The following CENPN variants were observed in gnomAD, a reference collection of about 807,000 sequenced individuals.
The protein encoded by CENPN is centromere protein N.
Under a neutral mutation model 48.6 loss-of-function variants are expected in CENPN, and 36 were observed. That is an observed-to-expected ratio of 0.74 (90% CI 0.57 to 0.98). The LOEUF is 0.98. CENPN is among the 50% of genes least tolerant of loss of function. CENPN has a pLI of 0.00. For missense variants in CENPN, 439 were observed against 399.2 expected (o/e 1.10, Z -0.85); for synonymous variants, 166 against 135.2 (o/e 1.23, Z -1.58).
chr16:81,017,906 C>G (rs1397169811), intron 5 of CENPN, 72 bp downstream of exon 5: 2 of 875,490 alleles, frequency 2.3e-6, no homozygotes, highest in African/African-American at 3.5e-5. Flanking sequence ...TTGCTACTAT[C>G]ATAGTTTTTT....
Position 81,012,079 on chromosome 16 carries a change from C to A in CENPN, c.140C>A (p.Ser47Tyr), listed in dbSNP as rs896034091. 5 of 1,614,138 alleles carry A rather than the reference C, an allele frequency of 3.1e-6. No homozygotes were observed. The highest frequency in any genetic ancestry group is 3.4e-6 in the Non-Finnish European group (4 of 1,180,012). Residue 47 changes from serine (S) to tyrosine (Y), a missense_variant, in exon 2 of 11, where the codon TCT becomes TAT. By Grantham distance (144) the Ser-to-Tyr change is moderately radical. Transcript: ENST00000305850. Reference sequence around the variant, plus strand: ...GTAAATTTCCGACAGAGAAAGGAATCTGTAGTTCAGCACTTGATCCATCTG... The same window carrying A: ...GTAAATTTCCGACAGAGAAAGGAATATGTAGTTCAGCACTTGATCCATCTG... ...QTVNFRQRKE[S>Y]VVQHLIHLCE...
downstream of CENPN, among the ~76,000 whole-genome samples, chr16:81,032,221 AAAT>A (rs1327869830): frequency 6.6e-6 from 1 of 152,190 alleles, no homozygotes; most frequent in African/African-American, 2.4e-5. Context: ...ATCTATCAAA[AAAT>A]GAAGACTGAG....
intron 8 of CENPN, among the ~76,000 whole-genome samples, chr16:81,025,686 T>A: frequency 1.8e-4 from 1 of 5,586 alleles, no homozygotes; most frequent in East Asian, 0.033. Context: ...TGAGACCCTG[T>A]CTCTCTTTTT....
In CENPN at chr16:81,028,568, G is replaced by C. The variant is rs1289806567; in HGVS notation, c.938-1G>C. On this transcript the variant is annotated splice_acceptor_variant, in intron 10 of 10. Transcript: ENST00000305850. LOFTEE classifies it high-confidence loss of function. ...TCCCTTTTTTTTTTTTTTAATTTCA[G>C]GTATTGCAGATGCTCCACTTTCTCC... The C allele has an allele frequency of 2.5e-6, 4 of 1,585,346 alleles. No individual in the cohort carries two copies. The highest frequency in any genetic ancestry group is 2.6e-6 in the Non-Finnish European group (3 of 1,165,364).
intron 5 of CENPN, 33 bp from the exon 6 acceptor site, chr16:81,020,067 G>T: frequency 6.5e-7 from 1 of 1,530,064 alleles, no homozygotes; most frequent in Non-Finnish European, 8.7e-7. Flanking sequence ...TTTTAATTAG[G>T]AAATTAAGCC....
At position 81,012,054 on chromosome 16, in the gene CENPN, G is replaced by A. The variant is rs1382581175; in HGVS notation, c.115G>A (p.Val39Ile). Reference protein sequence around the residue: ...DFLSENQLQTVNFRQRKESVV... With the variant: ...DFLSENQLQTINFRQRKESVV... ...TTTGTCTGAAAATCAACTGCAGACTGTAAATTTCCGACAGAGAAAGGAATC... is the reference window on the plus strand; with the variant it reads ...TTTGTCTGAAAATCAACTGCAGACTATAAATTTCCGACAGAGAAAGGAATC... Residue 39 changes from valine to isoleucine, a missense_variant, in exon 2 of 11, where the codon GTA becomes ATA. By Grantham distance (29) the Val-to-Ile change is conservative. Transcript: ENST00000305850. 3.7e-6 allele frequency: 6 copies of A among 1,613,996 alleles called. No homozygotes were observed. In the African/African-American group the frequency reaches 5.3e-5, roughly 14 times the overall value.
At chr16:81,022,422 AT>A (rs1479418558) in intron 6 of CENPN, 174 bp from the exon 7 acceptor site, 6 of 595,850 alleles carry the variant, frequency 1.0e-5, no homozygotes, top group Middle Eastern at 6.4e-4. Flanking sequence ...TATTAATGCC[AT>A]TAACCACTTT....
chr16:81,010,397 C>G (rs193289813), intron 1 of CENPN, among the ~76,000 whole-genome samples: 1 of 152,276 alleles, frequency 6.6e-6, no homozygotes, highest in East Asian at 1.9e-4. Context: ...GCCGCTAGGT[C>G]ATTCTTCTGG....
intron 9 of CENPN, among the ~76,000 whole-genome samples, chr16:81,027,559 A>C (rs1157901066): frequency 6.6e-6 from 1 of 152,252 alleles, no homozygotes; most frequent in Non-Finnish European, 1.5e-5. Flanking sequence ...AGATTGCAAA[A>C]GATAGCACTA....
chr16:81,015,111 A>C lies in CENPN; in HGVS notation c.217+930A>C, dbSNP rs368432462. ...TCATAAGTCAAGAAGCATCTGTATT[A>C]TTATTAAAGGATTTGAAAATATCTT... On this transcript the variant is annotated intron_variant, in intron 3 of 10. Coordinates refer to ENST00000305850, the MANE Select transcript of CENPN (RefSeq NM_001100624.3). 1.4e-4 allele frequency among the ~76,000 whole-genome samples: 21 copies of C among 152,344 alleles called. No individual in the cohort carries two copies. The South Asian group carries it at 4.3e-3, about 32-fold the overall frequency.
chr16:81,017,329 T>C lies in CENPN; in HGVS notation c.221T>C (p.Met74Thr), dbSNP rs764873691. 1.0e-5 allele frequency: 16 copies of C among 1,592,708 alleles called. No individual in the cohort carries two copies. In the Admixed American group the frequency reaches 1.2e-4, roughly 12 times the overall value. The change falls in exon 4 of 11, where the codon ATG (methionine) becomes ACG (threonine). Residue 74 changes from methionine (M) to threonine (T), a missense_variant. By Grantham distance (81) the Met-to-Thr change is moderately conservative. Transcript: ENST00000305850. The stretch of plus-strand genomic sequence containing the variant: ...AAAGCTTTCTTCCCTCTCTCAGATA[T>C]GCAATTTCATCAGCACCAGAAAGTT... ...SDAALLDIIY[M>T]QFHQHQKVWE... is the part of the protein sequence containing the mutation.
At chr16:81,017,644 C>A in intron 4 of CENPN, 114 bp from the exon 5 acceptor site, 1 of 785,364 alleles carries the variant, frequency 1.3e-6, no homozygotes, top group Non-Finnish European at 2.1e-6. Flanking sequence ...GTGATTTGAT[C>A]ATTATTACTC....
chr16:81,017,223 A>C, intron 3 of CENPN, 103 bp from the exon 4 acceptor site: 1 of 766,200 alleles, frequency 1.3e-6, no homozygotes, highest in Non-Finnish European at 2.2e-6. Flanking sequence ...CAATTTGTGA[A>C]TTACTGTTAC....
rs533280156 is a variant in CENPN at position 81,019,554 on chromosome 16, G to A, written c.355-546G>A. Among the ~76,000 whole-genome samples, 18 of 152,210 alleles carry A rather than the reference G, an allele frequency of 1.2e-4. No homozygotes were observed. The South Asian group carries it at 2.5e-3, about 21-fold the overall frequency. ...AAATCTTACTGTTAAAGTTTATAGC[G>A]TGTGCTAGGTCTGGGTTAGATGCTA... On this transcript the variant is annotated intron_variant, in intron 5 of 10. Coordinates refer to ENST00000305850, the MANE Select transcript of CENPN (RefSeq NM_001100624.3).
chr16:81,014,311 C>T (rs1379582155), intron 3 of CENPN, 130 bp downstream of exon 3: 12 of 699,756 alleles, frequency 1.7e-5, no homozygotes, highest in Admixed American at 4.2e-5. Context: ...CTCAGCTCAC[C>T]GCGACCTCTG....
chr16:81,011,637 A>G (rs1969743223), intron 1 of CENPN, among the ~76,000 whole-genome samples: 1 of 152,260 alleles, frequency 6.6e-6, no homozygotes, highest in African/African-American at 2.4e-5. Flanking sequence ...TGCTCATGCT[A>G]AAACACTGCA....
chr16:81,017,523 T>G, intron 4 of CENPN, 138 bp downstream of exon 4: 2 of 679,680 alleles, frequency 2.9e-6, no homozygotes, highest in Non-Finnish European at 5.1e-6. Flanking sequence ...AAAAAAAAAA[T>G]AGCAGTATGT....
Position 81,026,552 on chromosome 16 carries a change from A to G in CENPN, c.724A>G (p.Ile242Val). 6.3e-7 allele frequency: 1 copy of G among 1,599,762 alleles called. No individual in the cohort carries two copies. The highest frequency in any genetic ancestry group is 8.6e-7 in the Non-Finnish European group (1 of 1,169,034). Residue 242 changes from isoleucine to valine, a missense_variant, in exon 9 of 11, where the codon ATA (isoleucine) becomes GTA (valine). Coordinates refer to ENST00000305850, the MANE Select transcript of CENPN (RefSeq NM_001100624.3). Reference sequence around the variant, plus strand: ...GGATTCAAGGATCATTCATGAAAACATAGTAGAAAAAGAGAGAGTCCAACG... The same window carrying G: ...GGATTCAAGGATCATTCATGAAAACGTAGTAGAAAAAGAGAGAGTCCAACG... ...NMDSRIIHEN[I>V]VEKERVQRIT...
chr16:81,017,109 G>T, intron 3 of CENPN: 1 of 420,186 alleles, frequency 2.4e-6, no homozygotes, highest in Admixed American at 4.6e-5. Flanking sequence ...AAACTCAACT[G>T]TATTATCTAA....
Sources: gnomAD v4.1 joint callset for allele counts (sites outside exome capture counted in the v4.1 genomes callset) on GRCh38, gnomAD v4.1.1 for gene constraint, MANE v1.5 for transcripts, NCBI Gene and HGNC (gene_info 2026-07-23, HGNC 2026-07-21) for gene names.